The following KRT36 variants were observed in gnomAD, a reference collection of about 807,000 sequenced individuals.
KRT36 encodes keratin 36.
KRT36 carries 41 observed loss-of-function variants against 43.0 expected under a neutral mutation model. That is an observed-to-expected ratio of 0.95 (90% CI 0.74 to 1.24). The LOEUF (loss-of-function observed/expected upper bound fraction) is 1.24, where lower values mean the gene tolerates loss of function less well. KRT36 is among the 50% of genes most tolerant of loss of function. The pLI is 0.00. For missense variants in KRT36, 627 were observed against 595.3 expected (o/e 1.05, Z -0.55); for synonymous variants, 277 against 252.9 (o/e 1.10, Z -0.90).
At chr17:41,486,887 T>C (rs1188564140) in intron 6 of KRT36, 63 bp downstream of exon 6, 61 of 1,470,958 alleles carry the variant, frequency 4.1e-5, no homozygotes, top group Non-Finnish European at 5.4e-5. Flanking sequence ...CTTCTGGGCT[T>C]GACGCCCTCC....
chr17:41,488,787 G>C, intron 1 of KRT36, 63 bp from the exon 2 acceptor site: 1 of 1,367,518 alleles, frequency 7.3e-7, no homozygotes, highest in Non-Finnish European at 1.0e-6. Flanking sequence ...CAGGTAGGGG[G>C]ATAGCTCAGC....
In KRT36 at chr17:41,487,577, T is replaced by C. The variant is rs764393289; in HGVS notation, c.860A>G (p.Gln287Arg). 4 of 1,613,864 alleles carry C rather than the reference T, an allele frequency of 2.5e-6. No homozygotes were observed. Among genetic ancestry groups the C allele is most frequent in the Non-Finnish European group, 3.4e-6 (4 of 1,179,874 alleles). The change falls in exon 4 of 7, where the codon CAG becomes CGG. Residue 287 changes from glutamine (Q) to arginine (R), a missense_variant and splice_region_variant. Transcript: ENST00000328119. ...GGTCCCAGGGCACCCCAGCCCCACC[T>C]GGGTGTTGAACCAGGCCTCCACATC... is the stretch of plus-strand genomic sequence containing the variant. ...RRDVEAWFNT[Q>R]TEELNQQVVS...
rs1234220057 is a variant in KRT36 at position 41,487,621 on chromosome 17, CA to C, written c.815del (p.Leu272ArgfsTer20). 4.3e-6 allele frequency: 7 copies of C among 1,614,098 alleles called. No homozygotes were observed. Among genetic ancestry groups the C allele is most frequent in the Non-Finnish European group, 5.9e-6 (7 of 1,180,032 alleles). ...CCACATCTCTGCGGTTATTCTCCACCAGGGCCTCGTACTGGCATCTCATATC... is the reference window on the plus strand; with the variant it reads ...CCACATCTCTGCGGTTATTCTCCACCGGGCCTCGTACTGGCATCTCATATC... ...LEDMRCQYEA[L>X]VENNRRDVEA... On this transcript the variant is annotated frameshift_variant, in exon 4 of 7. Coordinates refer to ENST00000328119, the MANE Select transcript of KRT36 (RefSeq NM_003771.5). LOFTEE classifies it high-confidence loss of function.
chr17:41,487,852 G>A, intron 3 of KRT36, 115 bp from the exon 4 acceptor site: 3 of 1,004,664 alleles, frequency 3.0e-6, no homozygotes, highest in Non-Finnish European at 4.4e-6. Flanking sequence ...GCATTAGACA[G>A]GATACTTAAA....
chr17:41,487,339 G>A lies in KRT36; in HGVS notation c.987+12C>T, dbSNP rs1185431743. 1.2e-6 allele frequency: 2 copies of A among 1,609,120 alleles called. No homozygotes were observed. Among genetic ancestry groups the A allele is most frequent in the South Asian group, 1.1e-5 (1 of 90,744 alleles). Reference sequence around the variant, plus strand: ...CAGGCCGTGGCCAGCGACGCAGGCAGGGGCCACTCACCATGCTGTGCTGAG... The same window carrying A: ...CAGGCCGTGGCCAGCGACGCAGGCAAGGGCCACTCACCATGCTGTGCTGAG... On this transcript the variant is annotated intron_variant, in intron 5 of 6. Transcript: ENST00000328119.
chr17:41,488,383 A>G lies in KRT36; in HGVS notation c.559T>C (p.Ser187Pro), dbSNP rs1904465870. The part of the protein sequence containing the change: ...DFRTKYETEL[S>P]LRQLVEADIN... ...TCGGCCTCCACTAGCTGCCGCAGAG[A>G]CAGCTCTGTCTCATACCTGCACACA... Residue 187 changes from serine to proline, a missense_variant, in exon 3 of 7, where the codon TCT (serine) becomes CCT (proline). Coordinates refer to ENST00000328119, the MANE Select transcript of KRT36 (RefSeq NM_003771.5). The G allele has an allele frequency of 6.2e-7, 1 of 1,614,090 alleles. No homozygotes were observed. Among genetic ancestry groups the G allele is most frequent in the Non-Finnish European group, 8.5e-7 (1 of 1,179,974 alleles).
chr17:41,488,814 A>T, intron 1 of KRT36, 90 bp from the exon 2 acceptor site: 30 of 1,029,008 alleles, frequency 2.9e-5, no homozygotes, highest in Non-Finnish European at 4.1e-5. Flanking sequence ...AGGCCATGCC[A>T]CTGTGTACCA....
At chr17:41,488,519 T>C (rs1904470291) in intron 2 of KRT36, 120 bp from the exon 3 acceptor site, 6 of 1,503,262 alleles carry the variant, frequency 4.0e-6, no homozygotes, top group Non-Finnish European at 4.6e-6. Context: ...TCCTTTCCCC[T>C]GAGGTCCAGG....
At position 41,488,699 on chromosome 17, in the gene KRT36, G is replaced by T; in HGVS notation, c.485C>A (p.Ala162Asp). The T allele has an allele frequency of 6.2e-7, 1 of 1,614,114 alleles. No homozygotes were observed. Among genetic ancestry groups the T allele is most frequent in the Admixed American group, 1.7e-5 (1 of 60,032 alleles). ...ATTATCAATCTGCAGGACCAGCCTG[G>T]CATTCTCAGACTTAGTCAGCAGGAT... Reference protein sequence around the residue: ...QKILLTKSENARLVLQIDNAK... With the variant: ...QKILLTKSENDRLVLQIDNAK... Residue 162 changes from alanine to aspartate, a missense_variant, in exon 2 of 7, where the codon GCC becomes GAC. Transcript: ENST00000328119.
Position 41,487,026 on chromosome 17 carries a change from C to G in KRT36, c.1132G>C (p.Val378Leu), listed in dbSNP as rs754990134. 3 of 1,614,068 alleles carry G rather than the reference C, an allele frequency of 1.9e-6. No homozygotes were observed. Among genetic ancestry groups the G allele is most frequent in the Non-Finnish European group, 1.7e-6 (2 of 1,180,048 alleles). ...DLERQNQEYQ[V>L]LLDVKARLEG... Reference sequence around the variant, plus strand: ...AGCCGGGCCTTGACGTCCAGTAACACCTGGTACTCCTGGTTCTGCCGCTCC... The same window carrying G: ...AGCCGGGCCTTGACGTCCAGTAACAGCTGGTACTCCTGGTTCTGCCGCTCC... Residue 378 changes from valine to leucine, a missense_variant, in exon 6 of 7, where the codon GTG becomes CTG. Physicochemically the swap from Val to Leu is conservative, Grantham distance 32. Coordinates refer to ENST00000328119, the MANE Select transcript of KRT36 (RefSeq NM_003771.5).
rs139381759 is a variant in KRT36 at position 41,487,172 on chromosome 17, T to A, written c.988-2A>T. 6.2e-7 allele frequency: 1 copy of A among 1,611,048 alleles called. No homozygotes were observed. The highest frequency in any genetic ancestry group is 8.5e-7 in the Non-Finnish European group (1 of 1,177,886). ...CAGGGTGGATTCCAAGGAATTCCGC[T>A]GCAATGGGAAAGAGGAAGAGCTGCC... is the stretch of plus-strand genomic sequence containing the variant. On this transcript the variant is annotated splice_acceptor_variant, in intron 5 of 6. Transcript: ENST00000328119. LOFTEE classifies it high-confidence loss of function.
rs967611020 is a variant in KRT36 at position 41,486,485 on chromosome 17, G to T, written c.1295C>A (p.Pro432His). The change falls in exon 7 of 7, where the codon CCC becomes CAC. Residue 432 changes from proline (P) to histidine (H), a missense_variant. Coordinates refer to ENST00000328119, the MANE Select transcript of KRT36 (RefSeq NM_003771.5). The part of the protein sequence containing the change: ...VPPVPCVPSV[P>H]CTPAPQVGTQ... ...GCCAACCTGGGGAGCCGGGGTGCAG[G>T]GCACAGAGGGGACACAGGGCACCGG... The T allele has an allele frequency of 1.8e-5, 29 of 1,613,702 alleles. No homozygotes were observed. The highest frequency in any genetic ancestry group is 2.4e-5 in the Non-Finnish European group (28 of 1,179,832).
In KRT36 at chr17:41,488,636, A is replaced by G. The variant is rs756324264; in HGVS notation, c.542+6T>C. The G allele has an allele frequency of 1.2e-6, 2 of 1,613,648 alleles. No homozygotes were observed. The highest frequency in any genetic ancestry group is 4.5e-5 in the East Asian group (2 of 44,886). On this transcript the variant is annotated splice_donor_region_variant and intron_variant, in intron 2 of 6. Coordinates refer to ENST00000328119, the MANE Select transcript of KRT36 (RefSeq NM_003771.5). ...TGGCAAACCTTCCCTGATCAGGCCC[A>G]CTCACTTGGTCCGGAAGTCGTCAGC...
rs370726971 is a variant in KRT36 at position 41,488,350 on chromosome 17, C to T, written c.592G>A (p.Gly198Ser). The T allele has an allele frequency of 9.9e-6, 16 of 1,614,180 alleles. No individual in the cohort carries two copies. The highest frequency in any genetic ancestry group is 2.7e-5 in the African/African-American group (2 of 75,054). Residue 198 changes from glycine (G) to serine (S), a missense_variant, in exon 3 of 7, where the codon GGC (glycine) becomes AGC (serine). Transcript: ENST00000328119. ...AGCTCATCCAGGATCCTACGCAGGC[C>T]GTTGATGTCGGCCTCCACTAGCTGC... ...LRQLVEADIN[G>S]LRRILDELTL...
At chr17:41,487,505 G>A (rs755638670) in intron 4 of KRT36, 29 bp from the exon 5 acceptor site, 7 of 1,613,646 alleles carry the variant, frequency 4.3e-6, no homozygotes, top group Non-Finnish European at 5.1e-6. Flanking sequence ...CCCAGAGCAT[G>A]GTCAAACCAA....
Position 41,486,538 on chromosome 17 carries a change from C to A in KRT36, c.1242G>T (p.Lys414Asn), listed in dbSNP as rs944186232. 1 of 1,596,090 alleles carries A rather than the reference C, an allele frequency of 6.3e-7. No homozygotes were observed. Among genetic ancestry groups the A allele is most frequent in the East Asian group, 2.2e-5 (1 of 44,738 alleles). ...LPPQPCATAC[K>N]PVIRVPSVPP... ...GGACAGAAGGAACTCTAATAACAGG[C>A]TTGCATGCCGTGGCACAAGGTTGGG... is the stretch of plus-strand genomic sequence containing the variant. Residue 414 changes from lysine to asparagine, a missense_variant, in exon 7 of 7, where the codon AAG becomes AAT. Coordinates refer to ENST00000328119, the MANE Select transcript of KRT36 (RefSeq NM_003771.5).
Position 41,489,594 on chromosome 17 carries a change from C to G in KRT36, c.271G>C (p.Gly91Arg). ...AACTGCATAGTCTCCTTCTCGCTGC[C>G]GTTGAAGGAGCCCTCGCAGAACCAG... ...GGWFCEGSFN[G>R]SEKETMQFLN... The change falls in exon 1 of 7, where the codon GGC (glycine) becomes CGC (arginine). Residue 91 changes from glycine (G) to arginine (R), a missense_variant. Physicochemically the swap from Gly to Arg is moderately radical, Grantham distance 125 (BLOSUM62 -2). Transcript: ENST00000328119. 6.2e-7 allele frequency: 1 copy of G among 1,614,178 alleles called. No homozygotes were observed. The highest frequency in any genetic ancestry group is 8.5e-7 in the Non-Finnish European group (1 of 1,180,042).
rs2874331 is a variant in KRT36, at chr17:41,489,116, G to A, written c.459+290C>T. ...CCAAGATGAAGAATAAATAAGCCAG[G>A]GAATAGGAAAGTGTCAGGCACAGTG... On this transcript the variant is annotated intron_variant, in intron 1 of 6. Coordinates refer to ENST00000328119, the MANE Select transcript of KRT36 (RefSeq NM_003771.5). Among the ~76,000 whole-genome samples the A allele has an allele frequency of 3.4e-3, 520 of 152,302 alleles. 5 individuals carry two copies. Among genetic ancestry groups the A allele is most frequent in the African/African-American group, 0.012 (501 of 41,574 alleles).
At chr17:41,488,907 T>C (rs1284580934) in intron 1 of KRT36, among the ~76,000 whole-genome samples, 183 bp from the exon 2 acceptor site, 1 of 152,124 alleles carries the variant, frequency 6.6e-6, no homozygotes, top group Non-Finnish European at 1.5e-5. Flanking sequence ...CCCGAGGATG[T>C]CAGTGACCAT....
Sources: gnomAD v4.1 joint callset for allele counts (sites outside exome capture counted in the v4.1 genomes callset) on GRCh38, gnomAD v4.1.1 for gene constraint, MANE v1.5 for transcripts, NCBI Gene and HGNC (gene_info 2026-07-23, HGNC 2026-07-21) for gene names.